COPB2: variants seen among roughly 807,000 people sequenced by gnomAD.
The protein encoded by COPB2 is coatomer subunit beta'.
COPB2 carries 16 observed loss-of-function variants against 120.8 expected under a neutral mutation model. That is an observed-to-expected ratio of 0.13 (90% CI 0.09 to 0.20). The LOEUF is 0.20. Among genes scored for constraint, COPB2 ranks in the 10% least tolerant of loss-of-function variants. COPB2 has a pLI of 1.00. For synonymous variants in COPB2, 332 were observed against 366.3 expected, an observed-to-expected ratio of 0.91 and a Z score of 1.07; for missense variants, 794 against 1,076.5, an observed-to-expected ratio of 0.74 and a Z score of 3.67.
intron 15 of COPB2, among the ~76,000 whole-genome samples, chr3:139,366,287 G>A (rs976409390): frequency 5.9e-5 from 9 of 151,942 alleles, no homozygotes; most frequent in African/African-American, 2.2e-4. Context: ...AGCTAAAAAT[G>A]CAGTGTAGAA....
intron 13 of COPB2, among the ~76,000 whole-genome samples, chr3:139,367,781 A>G (rs1941545802): frequency 6.6e-6 from 1 of 152,246 alleles, no homozygotes; most frequent in African/African-American, 2.4e-5. Context: ...CATGACAATG[A>G]AATATTAAGT....
At chr3:139,376,453 T>A (rs1469353403) in intron 5 of COPB2, among the ~76,000 whole-genome samples, 2 of 152,304 alleles carry the variant, frequency 1.3e-5, no homozygotes, top group East Asian at 3.9e-4. Flanking sequence ...GTTTATCAAT[T>A]ACTGTATAAA....
intron 15 of COPB2, among the ~76,000 whole-genome samples, chr3:139,366,249 A>T (rs1393166610): frequency 3.3e-5 from 5 of 151,728 alleles, no homozygotes; most frequent in African/African-American, 9.7e-5. Flanking sequence ...TATTTTAATC[A>T]TTTTTTTTTA....
rs1286836944 is a variant in COPB2, at chr3:139,357,474, T to TTTAG, written c.*385_*388dup. On this transcript the variant is annotated 3_prime_UTR_variant, in exon 22 of 22. Coordinates refer to ENST00000333188, the MANE Select transcript of COPB2 (RefSeq NM_004766.3). ...GATTGACAACATTTGAAAATGCAGA[T>TTTAG]TTAGTTATACAAAGAAAAGACAGTG... 1.1e-4 allele frequency: 20 copies of TTTAG among 186,126 alleles called. No homozygotes were observed. The highest frequency in any genetic ancestry group is 3.5e-4 in the African/African-American group (15 of 42,746). 11.5% of individuals were successfully genotyped at this position (186,126 alleles called of 1,614,324 possible). A position where few individuals can be genotyped will look rare whatever the true frequency, so the allele number is the denominator to read the frequency against.
At position 139,361,290 on chromosome 3, in the gene COPB2, T is replaced by C. The variant is rs759233209; in HGVS notation, c.2001A>G (p.Glu667=). The change falls in exon 17 of 22, where the codon GAA becomes GAG. Residue 667 remains glutamate, a synonymous_variant. Coordinates refer to ENST00000333188, the MANE Select transcript of COPB2 (RefSeq NM_004766.3). Reference sequence around the variant, plus strand: ...GTTCAGCAAGTTGTTTCCACTTCTGTTCTGACTGTAAGAAAAGAGTTTCCA... The same window carrying C: ...GTTCAGCAAGTTGTTTCCACTTCTGCTCTGACTGTAAGAAAAGAGTTTCCA... The part of the protein sequence containing the change: ...AYQLAVEAES[E]QKWKQLAELA... The C allele has an allele frequency of 6.2e-7, 1 of 1,613,410 alleles. No individual in the cohort carries two copies. Among genetic ancestry groups the C allele is most frequent in the Admixed American group, 1.7e-5 (1 of 59,934 alleles).
intron 6 of COPB2, among the ~76,000 whole-genome samples, chr3:139,375,057 C>T (rs538379222): frequency 1.3e-5 from 2 of 152,012 alleles, no homozygotes; most frequent in Non-Finnish European, 2.9e-5. Flanking sequence ...ACAAAAATAT[C>T]AAAATATAAG....
At chr3:139,369,010 T>G (rs998712883) in intron 12 of COPB2, among the ~76,000 whole-genome samples, 1 of 152,216 alleles carries the variant, frequency 6.6e-6, no homozygotes, top group Non-Finnish European at 1.5e-5. Context: ...TTTTTTCCTG[T>G]CAAAATGGCA....
chr3:139,358,008 A>G, intron 21 of COPB2, 50 bp from the exon 22 acceptor site: 2 of 1,176,604 alleles, frequency 1.7e-6, no homozygotes, highest in Non-Finnish European at 2.5e-6. Context: ...CTGTTAAAGG[A>G]AAGTTATCCG....
At position 139,362,453 on chromosome 3, in the gene COPB2, T is replaced by C. The variant is rs762444070; in HGVS notation, c.1949A>G (p.Gln650Arg). 1.2e-6 allele frequency: 2 copies of C among 1,612,718 alleles called. No homozygotes were observed. The highest frequency in any genetic ancestry group is 1.3e-5 in the African/African-American group (1 of 74,996). ...GTATGCAATTTTTAACTCTCCAAGC[T>C]GAAGAGCAAGCTCAAAACGATGCTC... ...DPEHRFELAL[Q>R]LGELKIAYQL... The change falls in exon 16 of 22, where the codon CAG (glutamine) becomes CGG (arginine). Residue 650 changes from glutamine to arginine, a missense_variant. Around this residue, in one of 3 missense-constraint regions of COPB2, gnomAD observed 610 missense variants for 866.7 expected, o/e 0.70. Transcript: ENST00000333188.
At chr3:139,366,500 A>G in intron 15 of COPB2, 68 bp downstream of exon 15, 1 of 1,410,806 alleles carries the variant, frequency 7.1e-7, no homozygotes, top group South Asian at 1.4e-5. Context: ...AAGTTTTTCA[A>G]CTCCATAATA....
chr3:139,368,985 G>T (rs1941574090), intron 12 of COPB2, among the ~76,000 whole-genome samples: 1 of 152,130 alleles, frequency 6.6e-6, no homozygotes, highest in Admixed American at 6.6e-5. Context: ...CTGACTTCTT[G>T]TTCTCAAAGC....
Position 139,358,783 on chromosome 3 carries a change from C to T in COPB2, c.2514G>A (p.Glu838=). The change falls in exon 20 of 22, where the codon GAG becomes GAA. Residue 838 remains glutamate (E), a synonymous_variant. Coordinates refer to ENST00000333188, the MANE Select transcript of COPB2 (RefSeq NM_004766.3). Reference sequence around the variant, plus strand: ...ATCTTGAGGGCTGAAAGTCTTTTCCCTCTTCCATGACATTTCTCTCTTCAT... The same window carrying T: ...ATCTTGAGGGCTGAAAGTCTTTTCCTTCTTCCATGACATTTCTCTCTTCAT... ...TPNEERNVME[E]GKDFQPSRST... is the part of the protein sequence containing the mutation. The T allele has an allele frequency of 1.2e-6, 2 of 1,613,118 alleles. No homozygotes were observed. Among genetic ancestry groups the T allele is most frequent in the Non-Finnish European group, 1.7e-6 (2 of 1,179,212 alleles).
rs551090312 is a variant in COPB2 at position 139,375,614 on chromosome 3, C to T, written c.505G>A (p.Val169Met). ...GGTGACGAAGAGCCCAACTGCCACA[C>T]CTGCAGAGAGAAACAGCATCGGCCA... is the stretch of plus-strand genomic sequence containing the variant. ...ASASLDRTIK[V>M]WQLGSSSPNF... Residue 169 changes from valine to methionine, a missense_variant and splice_region_variant, in exon 6 of 22, where the codon GTG (valine) becomes ATG (methionine). Val to Met is a conservative substitution (Grantham distance 21). This residue lies in a region of COPB2 where 610 missense variants were observed against 866.7 expected (regional missense o/e 0.70). Transcript: ENST00000333188. 62 of 1,613,624 alleles carry T rather than the reference C, an allele frequency of 3.8e-5. No individual in the cohort carries two copies. The highest frequency in any genetic ancestry group is 1.3e-5 in the African/African-American group (1 of 75,028).
chr3:139,388,986 C>A (rs373742350), intron 1 of COPB2, among the ~76,000 whole-genome samples: 60 of 152,248 alleles, frequency 3.9e-4, no homozygotes, highest in African/African-American at 1.4e-3. Flanking sequence ...TAAAAGCACA[C>A]CAGCCAGTGT....
Position 139,366,586 on chromosome 3 carries a change from T to C in COPB2, c.1866A>G (p.Ala622=). 1 of 1,612,940 alleles carries C rather than the reference T, an allele frequency of 6.2e-7. No homozygotes were observed. Among genetic ancestry groups the C allele is most frequent in the South Asian group, 1.1e-5 (1 of 90,846 alleles). The part of the protein sequence containing the change: ...TIPKEQRTRV[A]HFLEKQGFKQ... The stretch of plus-strand genomic sequence containing the variant: ...CTCTTACCTGCTTTTCCAAAAAGTG[T>C]GCAACTCTGGTCCTCTGTTCTTTTG... Residue 622 remains alanine (A), a synonymous_variant, in exon 15 of 22, where the codon GCA becomes GCG. Transcript: ENST00000333188.
At chr3:139,363,438 G>A (rs891891806) in intron 15 of COPB2, among the ~76,000 whole-genome samples, 4 of 152,182 alleles carry the variant, frequency 2.6e-5, no homozygotes, top group African/African-American at 7.2e-5. Context: ...ACGATCTGAG[G>A]TGGAACAGTT....
intron 13 of COPB2, among the ~76,000 whole-genome samples, 153 bp downstream of exon 13, chr3:139,367,992 C>CGA (rs1283786132): frequency 6.6e-6 from 1 of 152,116 alleles, no homozygotes; most frequent in Non-Finnish European, 1.5e-5. Flanking sequence ...CTATGAGTTA[C>CGA]GATTTTAATT....
chr3:139,358,126 G>A, intron 21 of COPB2, 74 bp downstream of exon 21: 1 of 1,341,842 alleles, frequency 7.5e-7, no homozygotes, highest in East Asian at 2.3e-5. Context: ...AACCACAGAG[G>A]CCTACGTATC....
chr3:139,381,168 TAAAG>T (rs1941804927), intron 2 of COPB2: 1 of 152,202 alleles, frequency 6.6e-6, no homozygotes, highest in African/African-American at 2.4e-5. Context: ...TTCAGATAAA[TAAAG>T]AGGCTCAGCA....
Sources: allele counts gnomAD v4.1 joint callset (sites outside exome capture counted in the v4.1 genomes callset), GRCh38; gene constraint gnomAD v4.1.1; regional missense constraint gnomAD v4.1.1; transcripts MANE v1.5; gene names NCBI Gene and HGNC (gene_info 2026-07-23, HGNC 2026-07-21).